The following PTPA variants were observed in gnomAD, a reference collection of about 807,000 sequenced individuals.
PTPA encodes serine/threonine-protein phosphatase 2A activator.
Under a neutral mutation model 43.6 loss-of-function variants are expected in PTPA, and 13 were observed. The observed-to-expected ratio is 0.30, with a 90% CI of 0.19 to 0.47. The LOEUF (loss-of-function observed/expected upper bound fraction) is 0.47. PTPA is among the 20% of genes least tolerant of loss of function. The pLI, the probability that PTPA is intolerant of heterozygous loss-of-function variation, is 0.99. For missense variants in PTPA, 329 were observed against 411.9 expected (o/e 0.80, Z 1.74); for synonymous variants, 172 against 158.2 (o/e 1.09, Z -0.66).
chr9:129,118,133 A>T (rs941611684), intron 1 of PTPA, among the ~76,000 whole-genome samples: 1 of 150,450 alleles, frequency 6.6e-6, no homozygotes, highest in Non-Finnish European at 1.5e-5. Flanking sequence ...AGCTCACTGT[A>T]ACCTCTGCCT....
chr9:129,141,551 G>A (rs1296913220), intron 8 of PTPA: 1 of 152,290 alleles, frequency 6.6e-6, no homozygotes, highest in Admixed American at 6.5e-5. Flanking sequence ...CTGGACTTGC[G>A]GTGTCAGGGG....
chr9:129,111,184 G>C (rs78459798), upstream of PTPA: 9,461 of 1,094,562 alleles, frequency 8.6e-3, 640 homozygotes, highest in African/African-American at 0.14. Flanking sequence ...GTGGTACTCC[G>C]GGACAGGAGA....
chr9:129,141,024 G>T (rs1047547810), intron 8 of PTPA, among the ~76,000 whole-genome samples: 1 of 152,108 alleles, frequency 6.6e-6, no homozygotes, highest in African/African-American at 2.4e-5. Context: ...CCTGGCTGTG[G>T]TGGAGCCTGG....
At chr9:129,144,802 G>A (rs141331176) in intron 9 of PTPA, among the ~76,000 whole-genome samples, 4,638 of 151,274 alleles carry the variant, frequency 0.031, 101 homozygotes, top group Middle Eastern at 0.064. Flanking sequence ...GGAGGCTGAG[G>A]TGGGTGGATC....
chr9:129,111,064 G>C (rs1175441246), upstream of PTPA: 1 of 1,367,512 alleles, frequency 7.3e-7, no homozygotes, highest in East Asian at 4.5e-5. Flanking sequence ...ACTCCGTCTG[G>C]TGTCCTTGAG....
At chr9:129,144,559 A>G (rs539294544) in intron 9 of PTPA, among the ~76,000 whole-genome samples, 2 of 151,310 alleles carry the variant, frequency 1.3e-5, no homozygotes, top group African/African-American at 2.4e-5. Context: ...TAACACAGTG[A>G]AACCCCGTCT....
chr9:129,128,935 G>A (rs751189287), intron 3 of PTPA, 50 bp from the exon 4 acceptor site: 1 of 1,605,700 alleles, frequency 6.2e-7, no homozygotes, highest in South Asian at 1.1e-5. Flanking sequence ...CTGTGGCTAA[G>A]CGGGAGCCAC....
chr9:129,128,096 A>G, intron 3 of PTPA: 1 of 1,291,446 alleles, frequency 7.7e-7, no homozygotes, highest in African/African-American at 1.5e-5. Context: ...CATTTTTTAG[A>G]CGAAGAAACT....
intron 3 of PTPA, among the ~76,000 whole-genome samples, chr9:129,126,289 G>C (rs1849574572): frequency 6.6e-6 from 1 of 151,924 alleles, no homozygotes; most frequent in South Asian, 2.1e-4. Context: ...CGCCTCCCGG[G>C]TTCAAACGAT....
rs117924468 is a variant in PTPA at position 129,117,014 on chromosome 9, A to T, written c.32-3499A>T. Among the ~76,000 whole-genome samples, 150 of 151,980 alleles carry T rather than the reference A, an allele frequency of 9.9e-4. 3 individuals are homozygous for T. The East Asian group carries it at 0.019, about 19-fold the overall frequency. On this transcript the variant is annotated intron_variant, in intron 1 of 9. Transcript: ENST00000393370. ...TTATGAAAATTTCCATTATGTGGGCATATAATTAATTACACATCATCTTAT... is the reference window on the plus strand; with the variant it reads ...TTATGAAAATTTCCATTATGTGGGCTTATAATTAATTACACATCATCTTAT...
At chr9:129,136,659 C>G (rs1850390965) in intron 7 of PTPA, 64 bp downstream of exon 7, 3 of 1,501,472 alleles carry the variant, frequency 2.0e-6, no homozygotes, top group Non-Finnish European at 1.8e-6. Context: ...TGGCCCTCCC[C>G]TGCCCCTCCT....
chr9:129,128,145 G>A, intron 3 of PTPA: 1 of 961,154 alleles, frequency 1.0e-6, no homozygotes, highest in Non-Finnish European at 1.5e-6. Context: ...AGGTCTCACA[G>A]CAGCTAAATG....
In PTPA at chr9:129,128,061, C is replaced by T. The variant is rs1386914251; in HGVS notation, c.217-924C>T. ...TTACCCCGCGCCGGGCACTGTGCACCTTCGGAGGTATTTATCATCAGCCCC... is the reference window on the plus strand; with the variant it reads ...TTACCCCGCGCCGGGCACTGTGCACTTTCGGAGGTATTTATCATCAGCCCC... On this transcript the variant is annotated intron_variant, in intron 3 of 9. Transcript: ENST00000393370. 4 of 1,332,028 alleles carry T rather than the reference C, an allele frequency of 3.0e-6. No homozygotes were observed. In the South Asian group the frequency reaches 4.8e-5, roughly 16 times the overall value. 82.5% of individuals were successfully genotyped at this position (1,332,028 alleles called of 1,614,324 possible).
intron 1 of PTPA, among the ~76,000 whole-genome samples, chr9:129,115,921 G>T (rs554012188): frequency 1.9e-4 from 29 of 151,998 alleles, no homozygotes; most frequent in African/African-American, 6.5e-4. Context: ...GCGATTACAG[G>T]CCTGAGCCAC....
Position 129,120,617 on chromosome 9 carries a change from T to C in PTPA, c.129+7T>C, listed in dbSNP as rs1849191960. On this transcript the variant is annotated splice_region_variant and intron_variant, in intron 2 of 9. Transcript: ENST00000393370. ...CAAATGGAAGCGTTCTCAGGTACCA[T>C]TTGGAACTGTGGTGAGAAACTTGGG... The C allele has an allele frequency of 3.1e-6, 5 of 1,606,010 alleles. No individual in the cohort carries two copies. The South Asian group carries it at 4.4e-5, about 14-fold the overall frequency.
intron 3 of PTPA, among the ~76,000 whole-genome samples, chr9:129,126,988 A>G (rs1014953161): frequency 6.6e-6 from 1 of 152,066 alleles, no homozygotes; most frequent in African/African-American, 2.4e-5. Context: ...TGGGGCCAAG[A>G]TGACTGTGCC....
upstream of PTPA, chr9:129,110,975 G>A (rs1240707861): frequency 7.3e-7 from 1 of 1,371,780 alleles, no homozygotes; most frequent in African/African-American, 1.5e-5. The surrounding 1 kb of genome is among the most constrained non-coding windows in gnomAD (Gnocchi z 5.3). Context: ...GGAGGAAGGA[G>A]GAGGTCACCG....
intron 9 of PTPA, 22 bp from the exon 10 acceptor site, chr9:129,147,365 C>T (rs1046123028): frequency 2.0e-5 from 33 of 1,612,566 alleles, no homozygotes; most frequent in Non-Finnish European, 2.6e-5. Flanking sequence ...CACCACTCTG[C>T]TCACCTGCTC....
rs550132799 is a variant in PTPA, at chr9:129,123,090, C to T, written c.168C>T (p.Asn56=). Residue 56 remains asparagine (N), a synonymous_variant, in exon 3 of 10, where the codon AAC becomes AAT. Coordinates refer to ENST00000393370, the MANE Select transcript of PTPA (RefSeq NM_178000.3). ...ADYIGFILTL[N]EGVKGKKLTF... The stretch of plus-strand genomic sequence containing the variant: ...ACATCGGATTCATCCTTACCCTCAA[C>T]GAAGGTGTGAAGGGGAAGAAGCTGA... 28 of 1,612,450 alleles carry T rather than the reference C, an allele frequency of 1.7e-5. No individual in the cohort carries two copies. The highest frequency in any genetic ancestry group is 6.7e-5 in the East Asian group (3 of 44,856).
Sources: allele counts gnomAD v4.1 joint callset (sites outside exome capture counted in the v4.1 genomes callset), GRCh38; gene constraint gnomAD v4.1.1; non-coding constraint Gnocchi (gnomAD v3.1); transcripts MANE v1.5; gene names NCBI Gene and HGNC (gene_info 2026-07-23, HGNC 2026-07-21).